NTM: variants seen among roughly 807,000 people sequenced by gnomAD.
NTM encodes IgLON family member 2.
NTM carries 13 observed loss-of-function variants against 42.1 expected under a neutral mutation model. That is an observed-to-expected ratio of 0.31 (90% CI 0.20 to 0.49). NTM has a LOEUF of 0.49. Ranked by LOEUF, NTM falls within the 20% of genes least tolerant of loss-of-function variation. NTM has a pLI of 0.99. For synonymous variants in NTM, 187 were observed against 179.2 expected (o/e 1.04, Z -0.35); for missense variants, 373 against 452.8 (o/e 0.82, Z 1.60).
At chr11:131,659,278 T>C (rs998295114) in intron 1 of NTM, among the ~76,000 whole-genome samples, 1 of 152,234 alleles carries the variant, frequency 6.6e-6, no homozygotes, top group African/African-American at 2.4e-5. Context: ...TGTTGTGCTC[T>C]TTACAGTTTG....
chr11:132,332,483 C>A (rs914150077), intron 8 of NTM: 1 of 152,130 alleles, frequency 6.6e-6, no homozygotes, highest in Non-Finnish European at 1.5e-5. Flanking sequence ...ACTTGGTGGC[C>A]TTTTTCTGTC....
intron 1 of NTM, among the ~76,000 whole-genome samples, chr11:131,801,043 T>G (rs1385763200): frequency 1.3e-5 from 2 of 152,166 alleles, no homozygotes; most frequent in African/African-American, 4.8e-5. Flanking sequence ...GGGCTGGGGT[T>G]AGAATTAATA....
At chr11:131,413,881 G>A (rs1946680821) in intron 1 of NTM, among the ~76,000 whole-genome samples, 1 of 151,408 alleles carries the variant, frequency 6.6e-6, no homozygotes, top group Admixed American at 6.6e-5. Context: ...GGGCAGGGGA[G>A]ACGAGGAGGG....
At chr11:131,598,781 TC>T (rs2060121045) in intron 1 of NTM, among the ~76,000 whole-genome samples, 7 of 77,010 alleles carry the variant, frequency 9.1e-5, no homozygotes, top group African/African-American at 2.8e-4. Context: ...TTTCTTTCTT[TC>T]TTCTTTCTTT....
At chr11:131,428,103 C>A (rs1204680142) in intron 1 of NTM, among the ~76,000 whole-genome samples, 2 of 152,206 alleles carry the variant, frequency 1.3e-5, no homozygotes, top group Non-Finnish European at 2.9e-5. Flanking sequence ...AACATGTGGA[C>A]TTGAATATGC....
At chr11:131,810,581 G>A (rs1023013325) in intron 1 of NTM, among the ~76,000 whole-genome samples, 4 of 152,188 alleles carry the variant, frequency 2.6e-5, no homozygotes, top group African/African-American at 7.2e-5. Context: ...GGTAAATGTG[G>A]ATAAAGAATT....
chr11:132,313,103 G>A (rs2095326379), intron 6 of NTM, among the ~76,000 whole-genome samples: 2 of 152,154 alleles, frequency 1.3e-5, no homozygotes, highest in Non-Finnish European at 2.9e-5. Context: ...TTGCAGGAGT[G>A]GAGAAATTAT....
Position 131,574,748 on chromosome 11 carries a change from A to G in NTM, c.82+203860A>G, listed in dbSNP as rs549096021. ...TGGCCTACACCTTGTAAAGGAAGCAATATTATTCCTCCTGGGAAGTCACTT... is the reference window on the plus strand; with the variant it reads ...TGGCCTACACCTTGTAAAGGAAGCAGTATTATTCCTCCTGGGAAGTCACTT... On this transcript the variant is annotated intron_variant, in intron 1 of 8. Transcript: ENST00000683400. Among the ~76,000 whole-genome samples the G allele has an allele frequency of 3.9e-5, 6 of 152,198 alleles. No homozygotes were observed. The South Asian group carries it at 8.3e-4, about 21-fold the overall frequency.
intron 1 of NTM, among the ~76,000 whole-genome samples, chr11:131,646,439 T>C (rs146322538): frequency 1.3e-5 from 2 of 152,366 alleles, no homozygotes; most frequent in South Asian, 2.1e-4. Context: ...CCCATTTCTT[T>C]TCTCTTCTAC....
At chr11:131,827,392 T>G (rs561969063) in intron 1 of NTM, among the ~76,000 whole-genome samples, 1 of 152,262 alleles carries the variant, frequency 6.6e-6, no homozygotes, top group Admixed American at 6.5e-5. Context: ...GGGACAACTG[T>G]GGGTTCACAC....
chr11:131,614,517 C>G (rs2061737375), intron 1 of NTM, among the ~76,000 whole-genome samples: 1 of 152,188 alleles, frequency 6.6e-6, no homozygotes, highest in South Asian at 2.1e-4. Context: ...GGGGACTAGA[C>G]AGGAGGGCAG....
chr11:131,481,879 C>T (rs768073765), intron 1 of NTM, among the ~76,000 whole-genome samples: 1 of 152,166 alleles, frequency 6.6e-6, no homozygotes, highest in Admixed American at 6.5e-5. Context: ...GAAGACATTG[C>T]CTTTGTAGCA....
At chr11:131,613,643 A>T (rs1175786352) in intron 1 of NTM, among the ~76,000 whole-genome samples, 4 of 152,112 alleles carry the variant, frequency 2.6e-5, no homozygotes, top group Non-Finnish European at 4.4e-5. Context: ...CTTGCTGAAG[A>T]GCCAGGCGCG....
intron 1 of NTM, among the ~76,000 whole-genome samples, chr11:131,429,009 C>T (rs1024266540): frequency 2.0e-5 from 3 of 151,856 alleles, no homozygotes; most frequent in East Asian, 1.9e-4. Flanking sequence ...AAGCCGAGAT[C>T]GTGCAGCTGC....
intron 1 of NTM, among the ~76,000 whole-genome samples, chr11:131,786,338 C>G (rs1330130231): frequency 6.6e-6 from 1 of 152,260 alleles, no homozygotes; most frequent in Non-Finnish European, 1.5e-5. Context: ...AAAAACGTCA[C>G]CTGTGCATTG....
At chr11:131,415,495 A>G (rs1946852584) in intron 1 of NTM, among the ~76,000 whole-genome samples, 1 of 152,238 alleles carries the variant, frequency 6.6e-6, no homozygotes, top group African/African-American at 2.4e-5. Context: ...ATTATTAAGC[A>G]TAAACAAAAT....
intron 2 of NTM, among the ~76,000 whole-genome samples, chr11:131,942,200 G>T (rs949880624): frequency 1.3e-5 from 2 of 152,174 alleles, no homozygotes; most frequent in African/African-American, 4.8e-5. Flanking sequence ...AGAGAGAGTG[G>T]ATTAGTAGGG....
intron 1 of NTM, among the ~76,000 whole-genome samples, chr11:131,386,440 G>A (rs1943324542): frequency 6.6e-6 from 1 of 152,220 alleles, no homozygotes; most frequent in African/African-American, 2.4e-5. Context: ...CTTAGAAATG[G>A]TTAAAAGGGT....
At chr11:132,072,360 C>T (rs1218124410) in intron 2 of NTM, among the ~76,000 whole-genome samples, 1 of 152,094 alleles carries the variant, frequency 6.6e-6, no homozygotes, top group East Asian at 1.9e-4. Flanking sequence ...GGGGTAGATA[C>T]CAGAGGAAAT....
Sources: allele counts gnomAD v4.1 joint callset (sites outside exome capture counted in the v4.1 genomes callset), GRCh38; gene constraint gnomAD v4.1.1; transcripts MANE v1.5; gene names NCBI Gene and HGNC (gene_info 2026-07-23, HGNC 2026-07-21).